Variants in UBE2E2 observed in about 807,000 individuals in gnomAD.
The protein encoded by UBE2E2 is ubiquitin conjugating enzyme E2 E2.
Under a neutral mutation model 24.7 loss-of-function variants are expected in UBE2E2, and 6 were observed. The ratio of observed to expected loss-of-function variants is 0.24; its 90% confidence interval spans 0.13 to 0.48. The LOEUF is 0.48. UBE2E2 is among the 20% of genes least tolerant of loss of function. The probability of loss-of-function intolerance (pLI) is 0.99; values close to 1 mark genes in which losing one functional copy is unlikely to be tolerated. For missense variants in UBE2E2, 169 were observed against 245.0 expected, an observed-to-expected ratio of 0.69 and a Z score of 2.07; for synonymous variants, 104 against 83.6, an observed-to-expected ratio of 1.24 and a Z score of -1.33.
intron 3 of UBE2E2, among the ~76,000 whole-genome samples, chr3:23,332,641 A>G (rs532545511): frequency 2.1e-5 from 3 of 145,912 alleles, no homozygotes; most frequent in Admixed American, 1.4e-4. Context: ...TTTGAACACA[A>G]ATTTTAGCTT....
Position 23,210,388 on chromosome 3 carries a change from G to A in UBE2E2, c.176+1513G>A, listed in dbSNP as rs138499375. On this transcript the variant is annotated intron_variant, in intron 2 of 5. Coordinates refer to ENST00000396703, the MANE Select transcript of UBE2E2 (RefSeq NM_152653.4). ...CTAGTTAGCAAAGTCACCTGTTGTGGTGAGGCTCTGCCTTTTCCTCTAACT... is the reference window on the plus strand; with the variant it reads ...CTAGTTAGCAAAGTCACCTGTTGTGATGAGGCTCTGCCTTTTCCTCTAACT... 2.1e-4 allele frequency among the ~76,000 whole-genome samples: 32 copies of A among 152,316 alleles called. No homozygotes were observed. The East Asian group carries it at 6.0e-3, about 28-fold the overall frequency.
chr3:23,203,456 C>CG lies in UBE2E2; in HGVS notation c.-17_-16insG, dbSNP rs1011859108. Reference sequence around the variant, plus strand: ...GAGCCTGCGACCTGCACGGACACCCCCCCCTCAGGTATTCGCTCGGGCCGC... The same window carrying CG: ...GAGCCTGCGACCTGCACGGACACCCCGCCCCTCAGGTATTCGCTCGGGCCGC... On this transcript the variant is annotated 5_prime_UTR_variant, in exon 1 of 6. Transcript: ENST00000396703. 1.0e-6 allele frequency: 1 copy of CG among 964,310 alleles called. No homozygotes were observed. Among genetic ancestry groups the CG allele is most frequent in the Non-Finnish European group, 1.2e-6 (1 of 823,206 alleles). 59.7% of individuals were successfully genotyped at this position (964,310 alleles called of 1,614,324 possible).
intron 3 of UBE2E2, among the ~76,000 whole-genome samples, chr3:23,417,753 C>G (rs1227236053): frequency 6.6e-6 from 1 of 152,308 alleles, no homozygotes; most frequent in Non-Finnish European, 1.5e-5. Context: ...GATGCCCTGC[C>G]CCAGAAAGGA....
chr3:23,371,329 C>A (rs1035139917), intron 3 of UBE2E2, among the ~76,000 whole-genome samples: 9 of 152,074 alleles, frequency 5.9e-5, no homozygotes, highest in African/African-American at 2.2e-4. Flanking sequence ...CCCTGTCCAG[C>A]CTGTTAACAT....
At chr3:23,297,564 G>A (rs1211855123) in intron 3 of UBE2E2, among the ~76,000 whole-genome samples, 3 of 152,158 alleles carry the variant, frequency 2.0e-5, no homozygotes, top group Non-Finnish European at 4.4e-5. Flanking sequence ...TATTAAATAG[G>A]GAATCCTTTC....
intron 3 of UBE2E2, among the ~76,000 whole-genome samples, chr3:23,388,908 A>G (rs1351833307): frequency 2.6e-5 from 4 of 151,718 alleles, no homozygotes; most frequent in Non-Finnish European, 5.9e-5. Flanking sequence ...AGACTGAGGC[A>G]GGAGAATCAC....
In UBE2E2 at chr3:23,474,903, C is replaced by G. The variant is rs1699094994; in HGVS notation, c.228-24705C>G. On this transcript the variant is annotated intron_variant, in intron 3 of 5. Transcript: ENST00000396703. The surrounding 1 kb of genome is among the most constrained non-coding windows in gnomAD (Gnocchi z 4.0). ...ACTTCTAGAAACAGAAACACATTGT[C>G]TCTCCTTTAATTTTTTTATTTCTTA... Among the ~76,000 whole-genome samples the G allele has an allele frequency of 6.6e-6, 1 of 151,950 alleles. No individual in the cohort carries two copies. Among genetic ancestry groups the G allele is most frequent in the African/African-American group, 2.4e-5 (1 of 41,268 alleles).
intron 3 of UBE2E2, among the ~76,000 whole-genome samples, chr3:23,274,848 A>G (rs1698340442): frequency 6.6e-6 from 1 of 152,212 alleles, no homozygotes; most frequent in African/African-American, 2.4e-5. Flanking sequence ...GTCAAATAGT[A>G]TCCCTTTTTT....
chr3:23,366,925 G>T (rs1454931405), intron 3 of UBE2E2, among the ~76,000 whole-genome samples: 6 of 152,098 alleles, frequency 3.9e-5, no homozygotes, highest in African/African-American at 1.4e-4. Flanking sequence ...ATGAAAATTA[G>T]TGTTTATTGG....
intron 4 of UBE2E2, among the ~76,000 whole-genome samples, chr3:23,514,513 A>G (rs58748418): frequency 0.53 from 80,496 of 151,888 alleles, 21,842 homozygotes; most frequent in East Asian, 0.73. Context: ...TCTTATACCC[A>G]GAAGGCAGGG....
At chr3:23,446,814 C>G (rs1402074839) in intron 3 of UBE2E2, among the ~76,000 whole-genome samples, 1 of 149,756 alleles carries the variant, frequency 6.7e-6, no homozygotes, top group African/African-American at 2.5e-5. Flanking sequence ...CTCTGTAGTT[C>G]CCGAGACTTG....
chr3:23,272,221 G>C (rs1698262965), intron 3 of UBE2E2, among the ~76,000 whole-genome samples: 1 of 152,204 alleles, frequency 6.6e-6, no homozygotes, highest in South Asian at 2.1e-4. Flanking sequence ...CGGGCAGTCT[G>C]GCACTGCTGG....
In UBE2E2 at chr3:23,523,483, A is replaced by G. The variant is rs1486862643; in HGVS notation, c.361-9071A>G. On this transcript the variant is annotated intron_variant, in intron 4 of 5. Transcript: ENST00000396703. ...CTAAAAGATAGTAGTCTTATCATGT[A>G]GCATGCTCTAGCATGTAGTTAGTAT... 2.6e-5 allele frequency among the ~76,000 whole-genome samples: 4 copies of G among 152,178 alleles called. No individual in the cohort carries two copies. In the East Asian group the frequency reaches 7.7e-4, roughly 29 times the overall value.
chr3:23,336,916 G>T (rs560155668), intron 3 of UBE2E2, among the ~76,000 whole-genome samples: 2 of 152,212 alleles, frequency 1.3e-5, no homozygotes, highest in Admixed American at 1.3e-4. Flanking sequence ...GAGGCGGGTG[G>T]ATCAGTTCAG....
intron 3 of UBE2E2, among the ~76,000 whole-genome samples, chr3:23,251,486 G>A (rs1697573043): frequency 1.3e-5 from 2 of 152,182 alleles, no homozygotes; most frequent in African/African-American, 4.8e-5. Context: ...TTAAAGAGCA[G>A]CCTCTCTGTA....
chr3:23,214,305 A>T (rs951287940), intron 2 of UBE2E2, among the ~76,000 whole-genome samples: 6 of 151,876 alleles, frequency 4.0e-5, no homozygotes, highest in African/African-American at 1.5e-4. Context: ...CACAGGCTGG[A>T]GTATGTGGTA....
At chr3:23,488,899 C>A (rs1376034261) in intron 3 of UBE2E2, among the ~76,000 whole-genome samples, 1 of 152,172 alleles carries the variant, frequency 6.6e-6, no homozygotes, top group Non-Finnish European at 1.5e-5. Context: ...GCCCTGAGTA[C>A]CTTGAGGCCT....
intron 3 of UBE2E2, among the ~76,000 whole-genome samples, chr3:23,439,602 C>A (rs751190717): frequency 3.9e-5 from 6 of 152,198 alleles, no homozygotes; most frequent in Non-Finnish European, 8.8e-5. Flanking sequence ...TATACATACT[C>A]TTATAATGAA....
intron 5 of UBE2E2, among the ~76,000 whole-genome samples, chr3:23,578,035 T>G (rs1330830369): frequency 4.0e-5 from 6 of 151,680 alleles, no homozygotes; most frequent in Admixed American, 6.6e-5. Context: ...AAGATTCTTT[T>G]CAAAATACTA....
Sources: gnomAD v4.1 joint callset for allele counts (sites outside exome capture counted in the v4.1 genomes callset) on GRCh38, gnomAD v4.1.1 for gene constraint, Gnocchi (gnomAD v3.1) non-coding constraint, MANE v1.5 for transcripts, NCBI Gene and HGNC (gene_info 2026-07-23, HGNC 2026-07-21) for gene names.